Variants in SPAST observed in about 807,000 individuals in gnomAD.
SPAST encodes spastin.
In SPAST, 30 loss-of-function variants were observed where a neutral mutation model predicts 76.6. The observed-to-expected ratio is 0.39, with a 90% CI of 0.29 to 0.53. SPAST has a LOEUF of 0.53. Ranked by LOEUF, SPAST falls within the 20% of genes least tolerant of loss-of-function variation. The probability of loss-of-function intolerance (pLI) is 0.68; values close to 1 mark genes in which losing one functional copy is unlikely to be tolerated. For synonymous variants in SPAST, 305 were observed against 281.0 expected, an observed-to-expected ratio of 1.09 and a Z score of -0.86; for missense variants, 717 against 770.5, an observed-to-expected ratio of 0.93 and a Z score of 0.82.
At chr2:32,124,089 C>G (rs1679111904) in intron 7 of SPAST, among the ~76,000 whole-genome samples, 1 of 152,026 alleles carries the variant, frequency 6.6e-6, no homozygotes, top group African/African-American at 2.4e-5. Flanking sequence ...AAAAGACATG[C>G]AGCAGAGTGG....
rs1680222706 is a variant in SPAST, at chr2:32,155,481, G to C, written c.*985G>C. On this transcript the variant is annotated 3_prime_UTR_variant, in exon 17 of 17. Transcript: ENST00000315285. Reference sequence around the variant, plus strand: ...TTTTACAGGATAATTATAAGCAAGTGGAACTACCATCTTTTATTCTTAATA... The same window carrying C: ...TTTTACAGGATAATTATAAGCAAGTCGAACTACCATCTTTTATTCTTAATA... 1 of 152,394 alleles carries C rather than the reference G, an allele frequency of 6.6e-6. No homozygotes were observed. Among genetic ancestry groups the C allele is most frequent in the Non-Finnish European group, 1.5e-5 (1 of 67,996 alleles). 9.4% of individuals were successfully genotyped at this position (152,394 alleles called of 1,614,324 possible).
chr2:32,065,433 TA>T (rs1367220401), intron 1 of SPAST, among the ~76,000 whole-genome samples: 2 of 152,340 alleles, frequency 1.3e-5, no homozygotes, highest in East Asian at 3.9e-4. Flanking sequence ...AAGTGTTATT[TA>T]ATCCTCACAA....
chr2:32,093,818 A>AATAT (rs138621199), intron 3 of SPAST, among the ~76,000 whole-genome samples: 4 of 149,642 alleles, frequency 2.7e-5, no homozygotes, highest in East Asian at 1.9e-4. Flanking sequence ...CTATCTTAAA[A>AATAT]ATATATATAT....
chr2:32,124,754 C>T (rs914400107), intron 7 of SPAST, among the ~76,000 whole-genome samples: 1 of 152,018 alleles, frequency 6.6e-6, no homozygotes, highest in Non-Finnish European at 1.5e-5. Context: ...TATGGAGGAA[C>T]CATAAATGCA....
chr2:32,152,760 T>G (rs975434751), intron 16 of SPAST, among the ~76,000 whole-genome samples: 3 of 151,718 alleles, frequency 2.0e-5, no homozygotes, highest in Non-Finnish European at 4.4e-5. Context: ...TGGGGTTTTT[T>G]TTTTTGAGAC....
At chr2:32,085,454 C>T (rs1307568140) in intron 1 of SPAST, among the ~76,000 whole-genome samples, 1 of 152,054 alleles carries the variant, frequency 6.6e-6, no homozygotes, top group Non-Finnish European at 1.5e-5. Flanking sequence ...TGGGCTCAAG[C>T]AGTCCTCCTG....
At chr2:32,111,928 T>A (rs575715963) in intron 4 of SPAST, among the ~76,000 whole-genome samples, 1 of 149,170 alleles carries the variant, frequency 6.7e-6, no homozygotes, top group East Asian at 1.9e-4. Flanking sequence ...ATATTTTTAA[T>A]ATATATACAT....
chr2:32,127,198 A>C, intron 8 of SPAST, 176 bp downstream of exon 8: 1 of 594,000 alleles, frequency 1.7e-6, no homozygotes, highest in Non-Finnish European at 3.0e-6. Flanking sequence ...GCTCACCGCA[A>C]CCTCCGCCTC....
At position 32,125,841 on chromosome 2, in the gene SPAST, T is replaced by C. The variant is rs188930257; in HGVS notation, c.1099-1107T>C. ...ACGGAGTTTTGCTCTGTCGCCCGGG[T>C]TGGAGTGCAGTGGCGCAATCTTGGC... On this transcript the variant is annotated intron_variant, in intron 7 of 16. Transcript: ENST00000315285. Among the ~76,000 whole-genome samples, 72 of 152,136 alleles carry C rather than the reference T, an allele frequency of 4.7e-4. 1 individual carries two copies. In the East Asian group the frequency reaches 0.01, roughly 21 times the overall value.
intron 4 of SPAST, among the ~76,000 whole-genome samples, chr2:32,108,799 T>C (rs1050942720): frequency 3.2e-5 from 4 of 124,378 alleles, no homozygotes; most frequent in Non-Finnish European, 6.4e-5. Flanking sequence ...AGAGTCTCAC[T>C]CTGTCGCCCA....
chr2:32,094,261 C>G (rs549944598), intron 3 of SPAST, among the ~76,000 whole-genome samples: 5 of 152,088 alleles, frequency 3.3e-5, no homozygotes, highest in Non-Finnish European at 7.3e-5. Context: ...CCTTATCACC[C>G]AGGCCAGAGT....
At chr2:32,114,195 A>G (rs1300317163) in intron 4 of SPAST, among the ~76,000 whole-genome samples, 1 of 152,196 alleles carries the variant, frequency 6.6e-6, no homozygotes, top group Non-Finnish European at 1.5e-5. Flanking sequence ...GCCTGAGCCC[A>G]GGAGTTCGAG....
intron 1 of SPAST, among the ~76,000 whole-genome samples, chr2:32,065,332 T>A (rs1472257027): frequency 6.6e-6 from 1 of 152,172 alleles, no homozygotes; most frequent in Non-Finnish European, 1.5e-5. Flanking sequence ...GCTAACATTT[T>A]TTATTATATG....
At chr2:32,132,006 T>A (rs1233722794) in intron 9 of SPAST, among the ~76,000 whole-genome samples, 1 of 152,166 alleles carries the variant, frequency 6.6e-6, no homozygotes, top group Non-Finnish European at 1.5e-5. Flanking sequence ...GAGTACTGTT[T>A]CATCTTCATG....
At chr2:32,141,675 T>C (rs1033949179) in intron 12 of SPAST, among the ~76,000 whole-genome samples, 3 of 152,260 alleles carry the variant, frequency 2.0e-5, no homozygotes, top group African/African-American at 7.2e-5. Flanking sequence ...GCATTACTGC[T>C]ATTAAAAACA....
chr2:32,136,658 C>T lies in SPAST; in HGVS notation c.1321+20C>T, dbSNP rs1679546070. 6.3e-7 allele frequency: 1 copy of T among 1,574,944 alleles called. No individual in the cohort carries two copies. Among genetic ancestry groups the T allele is most frequent in the Non-Finnish European group, 8.7e-7 (1 of 1,144,788 alleles). On this transcript the variant is annotated intron_variant, in intron 10 of 16. Coordinates refer to ENST00000315285, the MANE Select transcript of SPAST (RefSeq NM_014946.4). The stretch of plus-strand genomic sequence containing the variant: ...TTATAGGTAAGAACATATTTTCCAA[C>T]TAAGTTATTGACTATTTGTGAAATT...
chr2:32,133,486 T>C (rs892414127), intron 9 of SPAST, among the ~76,000 whole-genome samples: 8 of 152,208 alleles, frequency 5.3e-5, no homozygotes, highest in African/African-American at 1.9e-4. Context: ...TTTATATAAA[T>C]CTAATGATGT....
At chr2:32,104,005 C>G (rs999891303) in intron 4 of SPAST, among the ~76,000 whole-genome samples, 1 of 152,104 alleles carries the variant, frequency 6.6e-6, no homozygotes, top group Non-Finnish European at 1.5e-5. Context: ...GAGCTGAGTT[C>G]AGTTCCTGGA....
intron 15 of SPAST, among the ~76,000 whole-genome samples, chr2:32,146,812 C>T (rs1423185029): frequency 1.4e-4 from 18 of 131,282 alleles, no homozygotes; most frequent in Non-Finnish European, 3.1e-5. Context: ...TGCAGTAAGC[C>T]GAGCACTGCA....
Sources: gnomAD v4.1 joint callset for allele counts (sites outside exome capture counted in the v4.1 genomes callset) on GRCh38, gnomAD v4.1.1 for gene constraint, MANE v1.5 for transcripts, NCBI Gene and HGNC (gene_info 2026-07-23, HGNC 2026-07-21) for gene names.